FARS2: variants seen among roughly 807,000 people sequenced by gnomAD.
FARS2 encodes the protein phenylalanyl-tRNA synthetase 2, mitochondrial, also known as phenylalanine--tRNA ligase, mitochondrial.
FARS2 carries 40 observed loss-of-function variants against 46.4 expected under a neutral mutation model. The observed-to-expected ratio is 0.86, with a 90% CI of 0.67 to 1.12. The LOEUF is 1.12. Ranked by LOEUF, FARS2 falls within the 50% of genes most tolerant of loss-of-function variation. The pLI is 0.00. For synonymous variants in FARS2, 234 were observed against 214.9 expected (o/e 1.09, Z -0.78); for missense variants, 513 against 567.9 (o/e 0.90, Z 0.98).
intron 6 of FARS2, among the ~76,000 whole-genome samples, chr6:5,688,079 A>C (rs988768335): frequency 1.3e-5 from 2 of 152,240 alleles, no homozygotes; most frequent in Non-Finnish European, 2.9e-5. Context: ...GAAGTTGCCT[A>C]TCAGCTTAAG....
intron 4 of FARS2, among the ~76,000 whole-genome samples, chr6:5,540,569 C>G (rs1015079526): frequency 2.6e-5 from 4 of 152,220 alleles, no homozygotes; most frequent in African/African-American, 9.7e-5. Context: ...GAGAGTGACT[C>G]AAAGAATCCA....
intron 1 of FARS2, among the ~76,000 whole-genome samples, chr6:5,352,696 T>C (rs1444431219): frequency 1.3e-5 from 2 of 152,008 alleles, no homozygotes; most frequent in African/African-American, 4.8e-5. Flanking sequence ...TGTAAATACT[T>C]GCTCGACTAG....
intron 4 of FARS2, among the ~76,000 whole-genome samples, chr6:5,460,337 G>A (rs1332051287): frequency 6.6e-6 from 1 of 152,172 alleles, no homozygotes; most frequent in African/African-American, 2.4e-5. Context: ...TTATCGTATA[G>A]GTATACTGCT....
intron 5 of FARS2, among the ~76,000 whole-genome samples, chr6:5,554,761 G>A (rs537609610): frequency 6.6e-6 from 1 of 152,180 alleles, no homozygotes; most frequent in Non-Finnish European, 1.5e-5. Flanking sequence ...TCAGCAAGTA[G>A]TTCAACCATA....
At chr6:5,389,364 AT>A (rs1760342982) in intron 2 of FARS2, among the ~76,000 whole-genome samples, 4 of 151,750 alleles carry the variant, frequency 2.6e-5, no homozygotes, top group Admixed American at 2.6e-4. Flanking sequence ...TCTCCTCTTT[AT>A]TAAGATGCTG....
In FARS2 at chr6:5,359,029, C is replaced by CTTTTTTTT. The variant is rs764897456; in HGVS notation, c.-21-9521_-21-9520insTTTTTTTT. Among the ~76,000 whole-genome samples the CTTTTTTTT allele has an allele frequency of 1.8e-3, 132 of 72,530 alleles. 55 individuals carry two copies. Among genetic ancestry groups the CTTTTTTTT allele is most frequent in the African/African-American group, 3.2e-3 (71 of 22,054 alleles). 47.6% of individuals were successfully genotyped at this position (72,530 alleles called of 152,430 possible). A position where few individuals can be genotyped will look rare whatever the true frequency, so the allele number is the denominator to read the frequency against. On this transcript the variant is annotated intron_variant, in intron 1 of 6. Transcript: ENST00000274680. The stretch of plus-strand genomic sequence containing the variant: ...TCGAATTATAGTGATGAAAAGATAC[C>CTTTTTTTT]CTTTTTTTTTTTTTTTTTTTTTTTT...
At chr6:5,591,771 G>A (rs868713407) in intron 5 of FARS2, among the ~76,000 whole-genome samples, 20 of 152,148 alleles carry the variant, frequency 1.3e-4, no homozygotes, top group African/African-American at 3.1e-4. Flanking sequence ...TCATGATTGC[G>A]CTTTGGATTC....
chr6:5,602,960 A>G (rs1354793572), intron 5 of FARS2, among the ~76,000 whole-genome samples: 1 of 152,190 alleles, frequency 6.6e-6, no homozygotes, highest in Non-Finnish European at 1.5e-5. Context: ...TCTTCACCAC[A>G]GTATGCTGTC....
rs77665069 is a variant in FARS2 at position 5,311,771 on chromosome 6, G to T, written c.-22+50111G>T. On this transcript the variant is annotated intron_variant, in intron 1 of 6. Transcript: ENST00000274680. The surrounding 1 kb of genome is among the most constrained non-coding windows in gnomAD (Gnocchi z 4.1). ...AGTGAGAACGTAATGGTTTGTACTTGTTGGGAAGAAGCAGCTCATGTTTGG... is the reference window on the plus strand; with the variant it reads ...AGTGAGAACGTAATGGTTTGTACTTTTTGGGAAGAAGCAGCTCATGTTTGG... Among the ~76,000 whole-genome samples the T allele has an allele frequency of 6.6e-6, 1 of 152,110 alleles. No individual in the cohort carries two copies. Among genetic ancestry groups the T allele is most frequent in the Non-Finnish European group, 1.5e-5 (1 of 68,024 alleles).
intron 3 of FARS2, 72 bp from the exon 4 acceptor site, chr6:5,430,969 G>A: frequency 6.6e-7 from 1 of 1,516,694 alleles, no homozygotes; most frequent in Non-Finnish European, 9.0e-7. Flanking sequence ...TTAGTAGAAG[G>A]GAAAATTTGA....
At position 5,285,992 on chromosome 6, in the gene FARS2, C is replaced by T. The variant is rs73718041; in HGVS notation, c.-22+24332C>T. ...CTCATACACCTGCCTAGAACACTTCCTCTGTTTGCATCATAACATTTCACA... is the reference window on the plus strand; with the variant it reads ...CTCATACACCTGCCTAGAACACTTCTTCTGTTTGCATCATAACATTTCACA... On this transcript the variant is annotated intron_variant, in intron 1 of 6. Coordinates refer to ENST00000274680, the MANE Select transcript of FARS2 (RefSeq NM_006567.5). 8.5e-3 allele frequency among the ~76,000 whole-genome samples: 1,300 copies of T among 152,318 alleles called. 16 individuals carry two copies. Among genetic ancestry groups the T allele is most frequent in the African/African-American group, 0.03 (1,232 of 41,562 alleles).
At chr6:5,297,997 G>A (rs577141737) in intron 1 of FARS2, among the ~76,000 whole-genome samples, 86 of 152,330 alleles carry the variant, frequency 5.6e-4, no homozygotes, top group South Asian at 1.0e-3. Flanking sequence ...GGGGAAGCCC[G>A]GAGGGCATCG....
chr6:5,740,950 C>T (rs970035083), intron 6 of FARS2, among the ~76,000 whole-genome samples: 1 of 152,196 alleles, frequency 6.6e-6, no homozygotes, highest in African/African-American at 2.4e-5. Context: ...TGCATGACAG[C>T]TTACTGGATC....
At chr6:5,278,608 C>G (rs1378205641) in intron 1 of FARS2, among the ~76,000 whole-genome samples, 2 of 152,040 alleles carry the variant, frequency 1.3e-5, no homozygotes, top group Admixed American at 6.5e-5. Context: ...ACATTATTCT[C>G]CATAACTATT....
At chr6:5,438,555 A>G (rs946930154) in intron 4 of FARS2, among the ~76,000 whole-genome samples, 4 of 149,304 alleles carry the variant, frequency 2.7e-5, no homozygotes, top group African/African-American at 9.9e-5. Flanking sequence ...TATAGTTCCT[A>G]TTTTTCTTCT....
rs371868780 is a variant in FARS2, at chr6:5,274,579, C to G, written c.-22+12919C>G. Among the ~76,000 whole-genome samples the G allele has an allele frequency of 5.3e-5, 8 of 152,314 alleles. No individual in the cohort carries two copies. In the South Asian group the frequency reaches 1.2e-3, roughly 24 times the overall value. On this transcript the variant is annotated intron_variant, in intron 1 of 6. Transcript: ENST00000274680. ...AGGCCAAGAGAATATGAGATTCCAG[C>G]CTAAACATTGGCTTTTCTGAGCCAT...
At chr6:5,318,395 A>AC (rs1769705645) in intron 1 of FARS2, among the ~76,000 whole-genome samples, 1 of 137,286 alleles carries the variant, frequency 7.3e-6, no homozygotes, top group Non-Finnish European at 1.6e-5. Context: ...ACCAAAAAAA[A>AC]AAAAAAAAAA....
chr6:5,341,819 A>G (rs1024070820), intron 1 of FARS2, among the ~76,000 whole-genome samples: 1 of 152,152 alleles, frequency 6.6e-6, no homozygotes, highest in African/African-American at 2.4e-5. Flanking sequence ...GCATCTGGCT[A>G]ATTTTTATCA....
intron 5 of FARS2, among the ~76,000 whole-genome samples, chr6:5,569,470 C>G (rs9392699): frequency 0.65 from 99,009 of 151,762 alleles, 32,608 homozygotes; most frequent in Non-Finnish European, 0.71. Context: ...ACTGATCCAC[C>G]CACCTCGGCT....
Sources: gnomAD v4.1 joint callset for allele counts (sites outside exome capture counted in the v4.1 genomes callset) on GRCh38, gnomAD v4.1.1 for gene constraint, Gnocchi (gnomAD v3.1) non-coding constraint, MANE v1.5 for transcripts, NCBI Gene and HGNC (gene_info 2026-07-23, HGNC 2026-07-21) for gene names.